The following ZCCHC7 variants were observed in gnomAD, a reference collection of about 807,000 sequenced individuals.
ZCCHC7 encodes the protein zinc finger CCHC-type containing 7, also known as zinc finger CCHC domain-containing protein 7.
ZCCHC7 carries 35 observed loss-of-function variants against 52.0 expected under a neutral mutation model. That is an observed-to-expected ratio of 0.67 (90% confidence interval 0.51 to 0.89). ZCCHC7 has a LOEUF of 0.89. Among genes scored for constraint, ZCCHC7 ranks in the 40% least tolerant of loss-of-function variants. ZCCHC7 has a pLI of 0.00. For synonymous variants in ZCCHC7, 217 were observed against 221.5 expected, an observed-to-expected ratio of 0.98 and a Z score of 0.18; for missense variants, 574 against 649.1, an observed-to-expected ratio of 0.88 and a Z score of 1.26.
chr9:37,345,803 G>A (rs72737789), intron 6 of ZCCHC7, among the ~76,000 whole-genome samples: 21,674 of 151,774 alleles, frequency 0.14, 1,774 homozygotes, highest in Non-Finnish European at 0.17. Flanking sequence ...AATATAAAAC[G>A]GTTGTTATTT....
chr9:37,130,154 G>C (rs1367090013), intron 2 of ZCCHC7, among the ~76,000 whole-genome samples: 2 of 150,802 alleles, frequency 1.3e-5, no homozygotes, highest in Admixed American at 1.3e-4. Flanking sequence ...CAGGAGAATT[G>C]CTTGACCCAG....
chr9:37,277,149 T>C (rs902828065), intron 2 of ZCCHC7, among the ~76,000 whole-genome samples: 1 of 152,206 alleles, frequency 6.6e-6, no homozygotes, highest in East Asian at 1.9e-4. Context: ...TGGAAGATTT[T>C]GTAAAAAAGA....
intron 6 of ZCCHC7, among the ~76,000 whole-genome samples, chr9:37,332,962 G>A (rs1830510280): frequency 6.6e-6 from 1 of 151,602 alleles, no homozygotes; most frequent in East Asian, 1.9e-4. Flanking sequence ...ATTTATTGGA[G>A]CACTTGTGAG....
At chr9:37,151,177 A>G (rs1466656601) in intron 2 of ZCCHC7, among the ~76,000 whole-genome samples, 1 of 151,980 alleles carries the variant, frequency 6.6e-6, no homozygotes, top group East Asian at 1.9e-4. Context: ...CGTGTTAGCC[A>G]GGATAGTCTC....
intron 2 of ZCCHC7, among the ~76,000 whole-genome samples, chr9:37,259,742 T>C (rs1481173691): frequency 6.6e-6 from 1 of 152,216 alleles, no homozygotes; most frequent in Non-Finnish European, 1.5e-5. Flanking sequence ...CTGCTATTTC[T>C]TGTAACTTGG....
chr9:37,357,261 A>G lies in ZCCHC7; in HGVS notation c.1625A>G (p.Lys542Arg), dbSNP rs746216311. 8 of 1,590,796 alleles carry G rather than the reference A, an allele frequency of 5.0e-6. No individual in the cohort carries two copies. The highest frequency in any genetic ancestry group is 5.1e-6 in the Non-Finnish European group (6 of 1,173,144). ...TTTCTTATTAAGCAGAGAAAAAAAA[A>G]GTCTTAAGCCGTCAGGCAGCCTCTG... The part of the protein sequence containing the change: ...NLFLIKQRKK[K>R]S The change falls in exon 9 of 9, where the codon AAG becomes AGG. Residue 542 changes from lysine (K) to arginine (R), a missense_variant. By Grantham distance (26) the Lys-to-Arg change is conservative. Around this residue, in one of 3 missense-constraint regions of ZCCHC7, gnomAD observed 168 missense variants for 171.6 expected, o/e 0.98. Coordinates refer to ENST00000336755, the MANE Select transcript of ZCCHC7 (RefSeq NM_032226.3).
At chr9:37,230,945 T>G (rs1265713508) in intron 2 of ZCCHC7, among the ~76,000 whole-genome samples, 2 of 152,136 alleles carry the variant, frequency 1.3e-5, no homozygotes, top group Admixed American at 6.5e-5. Context: ...TGTTTGTTTG[T>G]TTGGTTTTTG....
intron 2 of ZCCHC7, among the ~76,000 whole-genome samples, chr9:37,155,131 C>T (rs998242780): frequency 6.6e-6 from 1 of 152,002 alleles, no homozygotes; most frequent in Non-Finnish European, 1.5e-5. Flanking sequence ...GAGGCCAAGG[C>T]GGGCGGATCA....
At chr9:37,199,707 T>A in intron 2 of ZCCHC7, among the ~76,000 whole-genome samples, 1 of 150,590 alleles carries the variant, frequency 6.6e-6, no homozygotes, top group East Asian at 2.0e-4. Context: ...TGTCTTTCTT[T>A]CTGTCTTTCT....
intron 2 of ZCCHC7, among the ~76,000 whole-genome samples, chr9:37,144,494 ACT>A (rs1293832932): frequency 6.7e-6 from 1 of 150,300 alleles, no homozygotes; most frequent in Non-Finnish European, 1.5e-5. Flanking sequence ...CTTGCTGAAA[ACT>A]CTTTTGTGAT....
At position 37,325,489 on chromosome 9, in the gene ZCCHC7, T is replaced by G. The variant is rs1222757748; in HGVS notation, c.952-2310T>G. On this transcript the variant is annotated intron_variant, in intron 5 of 8. Coordinates refer to ENST00000336755, the MANE Select transcript of ZCCHC7 (RefSeq NM_032226.3). ...TATTTTATGCAATAGGTATATAATT[T>G]TCCATGCAATAGATACATACATTTG... 3.3e-5 allele frequency among the ~76,000 whole-genome samples: 5 copies of G among 152,306 alleles called. No individual in the cohort carries two copies. In the East Asian group the frequency reaches 9.6e-4, roughly 29 times the overall value.
At chr9:37,270,108 T>C (rs1827331262) in intron 2 of ZCCHC7, among the ~76,000 whole-genome samples, 1 of 152,218 alleles carries the variant, frequency 6.6e-6, no homozygotes, top group South Asian at 2.1e-4. Context: ...TATTTTACAT[T>C]GATTACATGT....
intron 6 of ZCCHC7, among the ~76,000 whole-genome samples, chr9:37,332,138 C>G (rs1260918006): frequency 4.6e-5 from 7 of 151,454 alleles, no homozygotes; most frequent in Non-Finnish European, 8.9e-5. Context: ...TCAGGTGTTG[C>G]TATTGAGACA....
chr9:37,147,780 A>G (rs1466905413), intron 2 of ZCCHC7, among the ~76,000 whole-genome samples: 1 of 152,066 alleles, frequency 6.6e-6, no homozygotes, highest in Non-Finnish European at 1.5e-5. Context: ...TAGCTTTTTA[A>G]TGCAGATCAA....
intron 2 of ZCCHC7, among the ~76,000 whole-genome samples, chr9:37,240,683 A>G (rs1461395420): frequency 1.3e-5 from 2 of 151,948 alleles, no homozygotes; most frequent in Non-Finnish European, 2.9e-5. Flanking sequence ...TCATCCTTCA[A>G]TTCCTAAGAT....
intron 8 of ZCCHC7, among the ~76,000 whole-genome samples, chr9:37,355,786 A>G (rs1163752164): frequency 6.6e-6 from 1 of 152,208 alleles, no homozygotes; most frequent in East Asian, 1.9e-4. Context: ...AAAAATCCAC[A>G]TTTAAGTGGA....
At chr9:37,157,237 C>T (rs1482159166) in intron 2 of ZCCHC7, among the ~76,000 whole-genome samples, 1 of 149,598 alleles carries the variant, frequency 6.7e-6, no homozygotes, top group Non-Finnish European at 1.5e-5. Context: ...GTGGCTCAGT[C>T]CTGTAGTGCC....
chr9:37,143,718 A>ATTATTAATTTTATTAAT (rs1843324431), intron 2 of ZCCHC7, among the ~76,000 whole-genome samples: 1 of 151,772 alleles, frequency 6.6e-6, no homozygotes, highest in African/African-American at 2.4e-5. Context: ...TTGTTATGAT[A>ATTATTAATTTTATTAAT]AATATTAAAA....
intron 2 of ZCCHC7, among the ~76,000 whole-genome samples, chr9:37,247,061 C>CT (rs1454627585): frequency 6.6e-6 from 1 of 152,102 alleles, no homozygotes; most frequent in Non-Finnish European, 1.5e-5. Context: ...ATTTTGTTAT[C>CT]TTTGACAGAT....
Sources: allele counts gnomAD v4.1 joint callset (sites outside exome capture counted in the v4.1 genomes callset), GRCh38; gene constraint gnomAD v4.1.1; regional missense constraint gnomAD v4.1.1; transcripts MANE v1.5; gene names NCBI Gene and HGNC (gene_info 2026-07-23, HGNC 2026-07-21).